The following SGCZ variants were observed in gnomAD, a reference collection of about 807,000 sequenced individuals.
The protein encoded by SGCZ is sarcoglycan zeta.
SGCZ carries 40 observed loss-of-function variants against 41.3 expected under a neutral mutation model. That is an observed-to-expected ratio of 0.97 (90% CI 0.75 to 1.26). SGCZ has a LOEUF of 1.26. Ranked by LOEUF, SGCZ falls within the 50% of genes most tolerant of loss-of-function variation. The pLI, the probability that SGCZ is intolerant of heterozygous loss-of-function variation, is 0.00. For synonymous variants in SGCZ, 206 were observed against 137.5 expected (o/e 1.50, Z -3.49); for missense variants, 552 against 369.8 (o/e 1.49, Z -4.04).
intron 3 of SGCZ, among the ~76,000 whole-genome samples, chr8:14,250,471 A>T (rs1282926749): frequency 6.6e-6 from 1 of 152,152 alleles, no homozygotes; most frequent in Non-Finnish European, 1.5e-5. Flanking sequence ...TATAATCAGC[A>T]GAATGTGGGC....
chr8:14,376,641 C>T (rs1047225390), intron 2 of SGCZ, among the ~76,000 whole-genome samples: 1 of 151,816 alleles, frequency 6.6e-6, no homozygotes, highest in African/African-American at 2.4e-5. Context: ...AGCATAGAAG[C>T]TAAAAAAAAG....
chr8:14,393,952 T>C (rs1563300453), intron 2 of SGCZ, among the ~76,000 whole-genome samples: 1 of 152,202 alleles, frequency 6.6e-6, no homozygotes, highest in East Asian at 1.9e-4. Flanking sequence ...AAAATATATA[T>C]TCATTTCTCA....
At chr8:14,748,192 A>G (rs1329895936) in intron 1 of SGCZ, among the ~76,000 whole-genome samples, 1 of 152,128 alleles carries the variant, frequency 6.6e-6, no homozygotes, top group Non-Finnish European at 1.5e-5. Context: ...AGGTTTTTAC[A>G]TATATTTAGT....
At chr8:14,778,618 G>A (rs1344099702) in intron 1 of SGCZ, among the ~76,000 whole-genome samples, 1 of 152,088 alleles carries the variant, frequency 6.6e-6, no homozygotes, top group Non-Finnish European at 1.5e-5. Context: ...TAAAACACAC[G>A]TGTAAATCAA....
At chr8:14,196,011 A>G (rs1459316906) in intron 4 of SGCZ, among the ~76,000 whole-genome samples, 1 of 152,134 alleles carries the variant, frequency 6.6e-6, no homozygotes, top group African/African-American at 2.4e-5. Flanking sequence ...TTATTATTTA[A>G]TCTATTTAAA....
chr8:14,824,279 A>G (rs370622449), intron 1 of SGCZ, among the ~76,000 whole-genome samples: 63 of 152,242 alleles, frequency 4.1e-4, no homozygotes, highest in African/African-American at 1.5e-3. Flanking sequence ...TGATAAATGC[A>G]TCAGGGGATG....
intron 2 of SGCZ, among the ~76,000 whole-genome samples, chr8:14,432,153 C>G (rs13263532): frequency 0.2 from 30,213 of 152,108 alleles, 3,687 homozygotes; most frequent in Non-Finnish European, 0.28. Context: ...GTAGAACTAC[C>G]ATTTGATCCA....
At chr8:14,338,945 C>T (rs1390152518) in intron 2 of SGCZ, among the ~76,000 whole-genome samples, 1 of 152,130 alleles carries the variant, frequency 6.6e-6, no homozygotes, top group African/African-American at 2.4e-5. Flanking sequence ...TGGACAAGTG[C>T]ACAGACATTG....
intron 2 of SGCZ, among the ~76,000 whole-genome samples, chr8:14,540,325 G>T: frequency 1.4e-5 from 2 of 138,864 alleles, no homozygotes; most frequent in Admixed American, 7.4e-5. Context: ...TTTCATTAGA[G>T]GTATCATGAG....
chr8:14,761,863 G>A (rs1257099725), intron 1 of SGCZ, among the ~76,000 whole-genome samples: 1 of 152,004 alleles, frequency 6.6e-6, no homozygotes, highest in African/African-American at 2.4e-5. Flanking sequence ...ATCTAGATAA[G>A]TTTTGAACTC....
chr8:14,889,659 G>T (rs1804936931), intron 1 of SGCZ, among the ~76,000 whole-genome samples: 1 of 151,618 alleles, frequency 6.6e-6, no homozygotes, highest in African/African-American at 2.4e-5. Context: ...TTGTGAAAAT[G>T]TTCACAAATA....
At chr8:14,739,816 T>C (rs933632468) in intron 1 of SGCZ, among the ~76,000 whole-genome samples, 5 of 152,114 alleles carry the variant, frequency 3.3e-5, no homozygotes, top group Admixed American at 2.0e-4. Flanking sequence ...GGAATACTTA[T>C]CATGCTAGGT....
chr8:14,283,644 T>C (rs1451035915), intron 3 of SGCZ, among the ~76,000 whole-genome samples: 2 of 152,200 alleles, frequency 1.3e-5, no homozygotes, highest in Non-Finnish European at 2.9e-5. Context: ...GTTATAATTC[T>C]CAAATTCAAG....
At chr8:14,619,129 G>C (rs1482403860) in intron 1 of SGCZ, among the ~76,000 whole-genome samples, 3 of 152,104 alleles carry the variant, frequency 2.0e-5, no homozygotes, top group East Asian at 1.9e-4. Flanking sequence ...TGCAAGGCTG[G>C]TTCAACATAT....
rs552107925 is a variant in SGCZ, at chr8:14,308,843, G to A, written c.336+15260C>T. ...TAAACCTCCATAAACAAAACTAATG[G>A]GAAAGAATGAAGCCCTTTCTTCAGT... On this transcript the variant is annotated intron_variant, in intron 3 of 7. Transcript: ENST00000382080. Among the ~76,000 whole-genome samples the A allele has an allele frequency of 6.6e-5, 10 of 152,052 alleles. No individual in the cohort carries two copies. The South Asian group carries it at 1.9e-3, about 28-fold the overall frequency.
At chr8:14,268,108 T>A (rs2117255267) in intron 3 of SGCZ, among the ~76,000 whole-genome samples, 1 of 150,726 alleles carries the variant, frequency 6.6e-6, no homozygotes, top group East Asian at 1.9e-4. Context: ...GTTTCAGTGA[T>A]AATATATATT....
intron 1 of SGCZ, among the ~76,000 whole-genome samples, chr8:15,039,443 G>A (rs1472160527): frequency 6.6e-6 from 1 of 152,148 alleles, no homozygotes; most frequent in Admixed American, 6.5e-5. Context: ...GTAGAGAATA[G>A]AATGGGGGTT....
intron 1 of SGCZ, among the ~76,000 whole-genome samples, chr8:15,042,277 A>G (rs1313231428): frequency 2.0e-5 from 3 of 152,144 alleles, no homozygotes; most frequent in African/African-American, 7.2e-5. Context: ...TGCCTAGCTG[A>G]CGGCAGTTCC....
intron 2 of SGCZ, among the ~76,000 whole-genome samples, chr8:14,433,067 TGG>T (rs1799991676): frequency 6.6e-6 from 1 of 151,866 alleles, no homozygotes; most frequent in Non-Finnish European, 1.5e-5. Context: ...AAAAAATATA[TGG>T]CTTTCTTCAA....
Sources: gnomAD v4.1 joint callset for allele counts (sites outside exome capture counted in the v4.1 genomes callset) on GRCh38, gnomAD v4.1.1 for gene constraint, MANE v1.5 for transcripts, NCBI Gene and HGNC (gene_info 2026-07-23, HGNC 2026-07-21) for gene names.